NLRC5: variants seen among roughly 807,000 people sequenced by gnomAD.
NLRC5 encodes the protein protein NLRC5.
Under a neutral mutation model 206.9 loss-of-function variants are expected in NLRC5, and 114 were observed. The ratio of observed to expected loss-of-function variants is 0.55; its 90% CI spans 0.47 to 0.64. The LOEUF (loss-of-function observed/expected upper bound fraction) is 0.64, where lower values mean the gene tolerates loss of function less well. NLRC5 is among the 30% of genes least tolerant of loss of function. The probability of loss-of-function intolerance (pLI) is 0.00; values close to 1 mark genes in which losing one functional copy is unlikely to be tolerated. For missense variants in NLRC5, 2,008 were observed against 2,305.5 expected, an observed-to-expected ratio of 0.87 and a Z score of 2.64; for synonymous variants, 952 against 962.8, an observed-to-expected ratio of 0.99 and a Z score of 0.21.
chr16:57,079,325 A>T (rs1295443430), intron 45 of NLRC5, 33 bp downstream of exon 45: 1 of 1,605,434 alleles, frequency 6.2e-7, no homozygotes, highest in Non-Finnish European at 8.5e-7. Flanking sequence ...CTAGGGGACC[A>T]GTGGCAGGCT....
chr16:57,068,259 G>A (rs755110223), intron 36 of NLRC5, among the ~76,000 whole-genome samples: 3 of 151,786 alleles, frequency 2.0e-5, no homozygotes, highest in African/African-American at 4.8e-5. Context: ...GTGAAACCCC[G>A]TCTCTACTAA....
rs377287544 is a variant in NLRC5, at chr16:57,069,957, C to T, written c.4583+38C>T. On this transcript the variant is annotated intron_variant, in intron 37 of 48. Coordinates refer to ENST00000688547, the MANE Select transcript of NLRC5 (RefSeq NM_001384950.1). ...GTGGAGGGATTGGGGACAAGTGGCC[C>T]AGCTGAGGGTGAGGGGTGGAGAAGA... 36 of 1,520,496 alleles carry T rather than the reference C, an allele frequency of 2.4e-5. No homozygotes were observed. The African/African-American group carries it at 4.5e-4, about 19-fold the overall frequency. 94.2% of individuals were successfully genotyped at this position (1,520,496 alleles called of 1,614,324 possible).
At chr16:57,073,935 C>T (rs1213992088) in intron 38 of NLRC5, among the ~76,000 whole-genome samples, 3 of 152,222 alleles carry the variant, frequency 2.0e-5, no homozygotes, top group East Asian at 1.9e-4. Context: ...AGTCCCTCAG[C>T]CTCTCTGTTC....
chr16:57,030,492 A>AGGGATGGG, intron 10 of NLRC5, among the ~76,000 whole-genome samples: 1 of 149,674 alleles, frequency 6.7e-6, no homozygotes, highest in Non-Finnish European at 1.5e-5. Context: ...GGATGAAAAG[A>AGGGATGGG]TGGATGGATG....
In NLRC5 at chr16:57,054,775, G is replaced by A. The variant is rs559669110; in HGVS notation, c.3531G>A (p.Pro1177=). Residue 1177 remains proline, a synonymous_variant, in exon 25 of 49, where the codon CCG becomes CCA. Transcript: ENST00000688547. ...GGCTGAGCCAGACGGGACTGTCCCC[G>A]AAAAGCCCCTTCCTGCTGGCCAACA... ...LLQLSQTGLS[P]KSPFLLANTL... The A allele has an allele frequency of 2.5e-5, 40 of 1,606,452 alleles. No individual in the cohort carries two copies. The highest frequency in any genetic ancestry group is 1.2e-4 in the Admixed American group (7 of 59,706).
chr16:57,046,478 T>A, intron 21 of NLRC5, 74 bp from the exon 22 acceptor site: 9 of 1,238,466 alleles, frequency 7.3e-6, no homozygotes, highest in Non-Finnish European at 1.1e-5. Flanking sequence ...ATCCCCCTCC[T>A]AGGGGTATAT....
chr16:57,038,866 C>T (rs1347355208), intron 15 of NLRC5, among the ~76,000 whole-genome samples: 4 of 147,336 alleles, frequency 2.7e-5, no homozygotes, highest in Non-Finnish European at 5.9e-5. Context: ...ACCTGGGAGG[C>T]GGAGGTTGCA....
chr16:57,020,829 G>A lies in NLRC5; in HGVS notation c.117G>A (p.Thr39=), dbSNP rs539627567. ...AGATGAAGTTCTTCCTCCCCAACAC[G>A]GACCTGGATTCCAGGAACGAGACCT... ...NAKMKFFLPN[T]DLDSRNETLD... The change falls in exon 3 of 49, where the codon ACG becomes ACA. Residue 39 remains threonine, a synonymous_variant. Coordinates refer to ENST00000688547, the MANE Select transcript of NLRC5 (RefSeq NM_001384950.1). 2.0e-5 allele frequency: 32 copies of A among 1,613,456 alleles called. No homozygotes were observed. The highest frequency in any genetic ancestry group is 1.5e-4 in the South Asian group (14 of 91,028).
intron 27 of NLRC5, 67 bp from the exon 28 acceptor site, chr16:57,057,997 GT>G (rs2065915282): frequency 7.0e-6 from 9 of 1,280,374 alleles, no homozygotes; most frequent in Non-Finnish European, 1.0e-5. Flanking sequence ...CAGGCTCCTG[GT>G]GACTGAGGAG....
At position 57,026,593 on chromosome 16, in the gene NLRC5, G is replaced by A. The variant is rs2061293798; in HGVS notation, c.1650G>A (p.Arg550=). ...YVTLHSRWVQ[R]TKARLGLSDH... ...CCCTCCATTCCCGCTGGGTACAGCG[G>A]ACCAAAGCTAGACTGGGCCTCTCAG... Residue 550 remains arginine (R), a synonymous_variant, in exon 6 of 49, where the codon CGG becomes CGA. Transcript: ENST00000688547. 2 of 1,614,178 alleles carry A rather than the reference G, an allele frequency of 1.2e-6. No individual in the cohort carries two copies. Among genetic ancestry groups the A allele is most frequent in the African/African-American group, 2.7e-5 (2 of 75,032 alleles).
chr16:57,078,058 GGGA>G, intron 43 of NLRC5, 38 bp downstream of exon 43: 1 of 1,515,724 alleles, frequency 6.6e-7, no homozygotes, highest in African/African-American at 1.4e-5. Flanking sequence ...AGGGCTGGTG[GGGA>G]GGAGGGTCCT....
chr16:57,032,482 G>T (rs2061988811), intron 11 of NLRC5, among the ~76,000 whole-genome samples: 1 of 151,624 alleles, frequency 6.6e-6, no homozygotes, highest in African/African-American at 2.4e-5. Flanking sequence ...GCCCCATATG[G>T]CTATTTCAAT....
chr16:57,061,947 AAAG>A (rs869307220), intron 32 of NLRC5: 9 of 1,518,154 alleles, frequency 5.9e-6, no homozygotes, highest in South Asian at 1.2e-5. Context: ...AGAAAGAAAG[AAAG>A]AAGGTTTCAG....
chr16:57,025,087 C>T (rs11644171), intron 5 of NLRC5, among the ~76,000 whole-genome samples: 28,868 of 152,226 alleles, frequency 0.19, 3,144 homozygotes, highest in Non-Finnish European at 0.25. Flanking sequence ...CCTTACACCA[C>T]GTGTACTATT....
At chr16:57,059,807 C>T (rs1236978019) in intron 30 of NLRC5, among the ~76,000 whole-genome samples, 1 of 152,130 alleles carries the variant, frequency 6.6e-6, no homozygotes, top group African/African-American at 2.4e-5. Context: ...GACTACAGGC[C>T]TTGAGGCTTC....
At position 57,058,853 on chromosome 16, in the gene NLRC5, C is replaced by A. The variant is rs1031811777; in HGVS notation, c.3831-119C>A. On this transcript the variant is annotated intron_variant, in intron 28 of 48. Coordinates refer to ENST00000688547, the MANE Select transcript of NLRC5 (RefSeq NM_001384950.1). ...AGTGTGTCCATCTGGAGAATAGATG[C>A]TTAGACATGGAGGCTTCTCTTCTTG... The A allele has an allele frequency of 5.8e-5, 50 of 856,486 alleles. No homozygotes were observed. The African/African-American group carries it at 8.1e-4, about 14-fold the overall frequency. 53.1% of individuals were successfully genotyped at this position (856,486 alleles called of 1,614,324 possible).
intron 47 of NLRC5, 90 bp from the exon 48 acceptor site, chr16:57,081,437 C>A: frequency 8.0e-7 from 1 of 1,248,018 alleles, no homozygotes; most frequent in Non-Finnish European, 1.2e-6. Context: ...TGTCCCCTGA[C>A]CTTGGCCTGA....
rs1388879798 is a variant in NLRC5, at chr16:57,055,442, A to G, written c.3669A>G (p.Thr1223=). Reference sequence around the variant, plus strand: ...CTTTACCTCCGTCCAGCAGGTTCACAGGCTGCAGCCTCAGCCAGGAGCACG... The same window carrying G: ...CTTTACCTCCGTCCAGCAGGTTCACGGGCTGCAGCCTCAGCCAGGAGCACG... ...EEEGVCCGRF[T]GCSLSQEHVE... is the part of the protein sequence containing the mutation. Residue 1223 remains threonine, a synonymous_variant, in exon 27 of 49, where the codon ACA becomes ACG. Transcript: ENST00000688547. 6.2e-7 allele frequency: 1 copy of G among 1,613,834 alleles called. No homozygotes were observed. Among genetic ancestry groups the G allele is most frequent in the Non-Finnish European group, 8.5e-7 (1 of 1,179,848 alleles).
intron 29 of NLRC5, 34 bp downstream of exon 29, chr16:57,059,095 C>G: frequency 6.2e-7 from 1 of 1,613,316 alleles, no homozygotes; most frequent in Non-Finnish European, 8.5e-7. Context: ...AAGCCCCTTT[C>G]TGCTGGCCAA....
Sources: gnomAD v4.1 joint callset for allele counts (sites outside exome capture counted in the v4.1 genomes callset) on GRCh38, gnomAD v4.1.1 for gene constraint, MANE v1.5 for transcripts, NCBI Gene and HGNC (gene_info 2026-07-23, HGNC 2026-07-21) for gene names.